The following ZNF780B variants were observed in gnomAD, a reference collection of about 807,000 sequenced individuals.
ZNF780B encodes the protein zinc finger protein 779.
A neutral mutation model predicts 74.1 loss-of-function variants in ZNF780B; 52 were observed. The ratio of observed to expected loss-of-function variants is 0.70; its 90% CI spans 0.56 to 0.88. The LOEUF (loss-of-function observed/expected upper bound fraction) is 0.88. Among genes scored for constraint, ZNF780B ranks in the 40% least tolerant of loss-of-function variants. The pLI, the probability that ZNF780B is intolerant of heterozygous loss-of-function variation, is 0.00. For missense variants in ZNF780B, 953 were observed against 1,007.6 expected (o/e 0.95, Z 0.73); for synonymous variants, 315 against 324.3 (o/e 0.97, Z 0.31).
intron 1 of ZNF780B, among the ~76,000 whole-genome samples, chr19:40,051,077 C>T (rs953492595): frequency 2.6e-5 from 4 of 152,068 alleles, no homozygotes; most frequent in African/African-American, 9.7e-5. Flanking sequence ...GACATCAATA[C>T]AAAAATTTAG....
chr19:40,050,647 CT>C, intron 1 of ZNF780B, among the ~76,000 whole-genome samples: 1 of 152,360 alleles, frequency 6.6e-6, no homozygotes, highest in East Asian at 1.9e-4. Flanking sequence ...GCATTTCTGC[CT>C]TGAAGTTGTG....
rs375378670 is a variant in ZNF780B at position 40,035,066 on chromosome 19, A to G, written c.1793T>C (p.Met598Thr). ...KECGKAFRLHMHLIRHQKFHT... is the reference protein window; with the variant it reads ...KECGKAFRLHTHLIRHQKFHT... ...AAATTTCTGATGTCGAATAAGGTGC[A>G]TATGAAGTCGAAAGGCTTTCCCACA... The change falls in exon 5 of 5, where the codon ATG (methionine) becomes ACG (threonine). Residue 598 changes from methionine (M) to threonine (T), a missense_variant. Transcript: ENST00000434248. 2.5e-6 allele frequency: 4 copies of G among 1,613,770 alleles called. No homozygotes were observed. In the African/African-American group the frequency reaches 4.0e-5, roughly 16 times the overall value.
At chr19:40,042,247 T>C (rs1316170734) in intron 4 of ZNF780B, among the ~76,000 whole-genome samples, 3 of 152,358 alleles carry the variant, frequency 2.0e-5, no homozygotes, top group African/African-American at 7.2e-5. Context: ...TCTTCTGGCT[T>C]GTAGAGTTTC....
chr19:40,037,591 A>G (rs570622678), intron 4 of ZNF780B, among the ~76,000 whole-genome samples: 8 of 152,292 alleles, frequency 5.3e-5, no homozygotes, highest in Admixed American at 5.2e-4. Context: ...TGTATTTTTA[A>G]TATCTCTACC....
chr19:40,038,973 T>C (rs1254933053), intron 4 of ZNF780B, among the ~76,000 whole-genome samples: 1 of 152,232 alleles, frequency 6.6e-6, no homozygotes, highest in Non-Finnish European at 1.5e-5. Context: ...GTTTTAGACA[T>C]AAAGTCCTTG....
At chr19:40,055,023 G>C (rs1310107868) in intron 1 of ZNF780B, among the ~76,000 whole-genome samples, 1 of 152,230 alleles carries the variant, frequency 6.6e-6, no homozygotes, top group Admixed American at 6.5e-5. Context: ...CAGACGAATG[G>C]AAATCACCCA....
intron 2 of ZNF780B, chr19:40,049,036 C>G: frequency 2.2e-6 from 1 of 446,396 alleles, no homozygotes; most frequent in South Asian, 3.5e-5. Flanking sequence ...ACAGCCTGGG[C>G]AACATAACGA....
In ZNF780B at chr19:40,035,837, GC is replaced by G; in HGVS notation, c.1021del (p.Ala341ProfsTer5). The G allele has an allele frequency of 3.1e-6, 5 of 1,613,938 alleles. No homozygotes were observed. The highest frequency in any genetic ancestry group is 4.2e-6 in the Non-Finnish European group (5 of 1,180,010). The part of the protein sequence containing the change: ...KPFECKECRK[A>X]FTLLTKLVRH... ...AACAAGCTTTGTCAGAAGAGTAAAG[GC>G]CTTTCTGCATTCTTTACATTCAAAG... On this transcript the variant is annotated frameshift_variant, in exon 5 of 5. Coordinates refer to ENST00000434248, the MANE Select transcript of ZNF780B (RefSeq NM_001005851.3). LOFTEE classifies it high-confidence loss of function.
chr19:40,047,484 A>G lies in ZNF780B; in HGVS notation c.137-14T>C, dbSNP rs1201730732. The G allele has an allele frequency of 6.3e-7, 1 of 1,579,702 alleles. No homozygotes were observed. Among genetic ancestry groups the G allele is most frequent in the African/African-American group, 1.4e-5 (1 of 73,388 alleles). ...AAATGGAACTTCCTGCTTAAAAGAA[A>G]TAACACATGTAGAATTTTTTTAATA... On this transcript the variant is annotated splice_polypyrimidine_tract_variant and intron_variant, in intron 3 of 4. Transcript: ENST00000434248.
intron 2 of ZNF780B, 84 bp from the exon 3 acceptor site, chr19:40,048,880 C>A: frequency 9.5e-6 from 15 of 1,582,442 alleles, no homozygotes; most frequent in Non-Finnish European, 1.2e-5. Context: ...GATTAAACTG[C>A]AATAAAGGAG....
rs1456274679 is a variant in ZNF780B, at chr19:40,039,284, T to C, written c.233-2658A>G. ...CCATTGATCTATATCTCTGTTTTGG[T>C]AACAGTACCATGCTGTTTTGGTTAC... is the stretch of plus-strand genomic sequence containing the variant. On this transcript the variant is annotated intron_variant, in intron 4 of 4. Coordinates refer to ENST00000434248, the MANE Select transcript of ZNF780B (RefSeq NM_001005851.3). Among the ~76,000 whole-genome samples the C allele has an allele frequency of 3.3e-5, 5 of 152,248 alleles. No individual in the cohort carries two copies. In the East Asian group the frequency reaches 9.6e-4, roughly 29 times the overall value.
Position 40,035,869 on chromosome 19 carries a change from C to T in ZNF780B, c.990G>A (p.Glu330=), listed in dbSNP as rs1972267957. 1 of 1,613,688 alleles carries T rather than the reference C, an allele frequency of 6.2e-7. No homozygotes were observed. The part of the protein sequence containing the change: ...LIEHCRIHTG[E]KPFECKECRK... ...TGCATTCTTTACATTCAAAGGGTTTCTCGCCAGTATGAATTCGGCAATGTT... is the reference window on the plus strand; with the variant it reads ...TGCATTCTTTACATTCAAAGGGTTTTTCGCCAGTATGAATTCGGCAATGTT... Residue 330 remains glutamate, a synonymous_variant, in exon 5 of 5, where the codon GAG becomes GAA. Transcript: ENST00000434248.
chr19:40,042,596 C>CAA (rs1340137646), intron 4 of ZNF780B, among the ~76,000 whole-genome samples: 3 of 152,148 alleles, frequency 2.0e-5, no homozygotes, highest in African/African-American at 4.8e-5. Flanking sequence ...AGGCTTTGTT[C>CAA]ATTTCTTTTT....
intron 4 of ZNF780B, among the ~76,000 whole-genome samples, chr19:40,041,398 G>A (rs1972628862): frequency 6.6e-6 from 1 of 152,208 alleles, no homozygotes; most frequent in Non-Finnish European, 1.5e-5. Flanking sequence ...TTGGGGTGGA[G>A]AGTTCTGTAG....
At chr19:40,040,835 AT>A (rs1269855071) in intron 4 of ZNF780B, among the ~76,000 whole-genome samples, 2 of 151,730 alleles carry the variant, frequency 1.3e-5, no homozygotes, top group East Asian at 3.9e-4. Context: ...TGGTCTTTCA[AT>A]TTTGTTGATC....
chr19:40,045,939 G>A (rs910485978), intron 4 of ZNF780B, among the ~76,000 whole-genome samples: 4 of 152,172 alleles, frequency 2.6e-5, no homozygotes, highest in African/African-American at 9.7e-5. Context: ...AGTGGGCCAA[G>A]ATCGCACCAC....
intron 4 of ZNF780B, among the ~76,000 whole-genome samples, chr19:40,038,660 G>A (rs1169148118): frequency 1.3e-5 from 2 of 151,916 alleles, no homozygotes; most frequent in African/African-American, 4.8e-5. Flanking sequence ...TTTCTCTGAT[G>A]GCCAGTGATG....
rs1972332252 is a variant in ZNF780B at position 40,036,567 on chromosome 19, TTATTTCAAAAA to T, written c.281_291del (p.Ile94LysfsTer12). ...TGCTTTATAACATGTTTGGGTAAATTTATTTCAAAAATATCATTTTCTGGAGATATTTTCTC... is the reference window on the plus strand; with the variant it reads ...TGCTTTATAACATGTTTGGGTAAATTTATCATTTTCTGGAGATATTTTCTC... On this transcript the variant is annotated frameshift_variant, in exon 5 of 5. Coordinates refer to ENST00000434248, the MANE Select transcript of ZNF780B (RefSeq NM_001005851.3). LOFTEE classifies it high-confidence loss of function. 1.3e-6 allele frequency: 2 copies of T among 1,570,772 alleles called. No individual in the cohort carries two copies. Among genetic ancestry groups the T allele is most frequent in the African/African-American group, 2.7e-5 (2 of 72,796 alleles).
At position 40,050,378 on chromosome 19, in the gene ZNF780B, C is replaced by T. The variant is rs978515840; in HGVS notation, c.-45-1G>A. The T allele has an allele frequency of 3.2e-6, 5 of 1,581,238 alleles. No individual in the cohort carries two copies. The highest frequency in any genetic ancestry group is 4.3e-6 in the Non-Finnish European group (5 of 1,169,596). On this transcript the variant is annotated splice_acceptor_variant, in intron 1 of 4. Transcript: ENST00000434248. LOFTEE classifies it low-confidence loss of function (5UTR_SPLICE). ...GGTCAATCTTCCTCGGGCTTCTCCCCTGGAAAACAACAACAACAAAAAGGC... is the reference window on the plus strand; with the variant it reads ...GGTCAATCTTCCTCGGGCTTCTCCCTTGGAAAACAACAACAACAAAAAGGC...
Sources: gnomAD v4.1 joint callset for allele counts (sites outside exome capture counted in the v4.1 genomes callset) on GRCh38, gnomAD v4.1.1 for gene constraint, MANE v1.5 for transcripts, NCBI Gene and HGNC (gene_info 2026-07-23, HGNC 2026-07-21) for gene names.